NTNG1: variants seen among roughly 807,000 people sequenced by gnomAD.
NTNG1 encodes the protein netrin-G1.
A neutral mutation model predicts 54.0 loss-of-function variants in NTNG1; 16 were observed. The observed-to-expected ratio is 0.30, with a 90% confidence interval of 0.20 to 0.45. The LOEUF is 0.45. NTNG1 is among the 20% of genes least tolerant of loss of function. The probability of loss-of-function intolerance (pLI) is 1.00; values close to 1 mark genes in which losing one functional copy is unlikely to be tolerated. For missense variants in NTNG1, 530 were observed against 678.7 expected (o/e 0.78, Z 2.43); for synonymous variants, 255 against 263.1 (o/e 0.97, Z 0.30).
At chr1:107,263,570 ACT>A in intron 2 of NTNG1, among the ~76,000 whole-genome samples, 1 of 152,240 alleles carries the variant, frequency 6.6e-6, no homozygotes, top group Non-Finnish European at 1.5e-5. Context: ...GCTAATGAAT[ACT>A]CTGAGTTATC....
intron 3 of NTNG1, among the ~76,000 whole-genome samples, chr1:107,326,958 C>T (rs1417612308): frequency 1.3e-5 from 2 of 152,128 alleles, no homozygotes; most frequent in African/African-American, 4.8e-5. Flanking sequence ...ATGTAGATTC[C>T]TTCATATCTA....
chr1:107,140,861 G>A (rs1172839548), upstream of NTNG1: 1 of 152,800 alleles, frequency 6.5e-6, no homozygotes, highest in Non-Finnish European at 1.5e-5. Context: ...GCGGAGCGAG[G>A]AGGCGCGGAG....
intron 4 of NTNG1, among the ~76,000 whole-genome samples, chr1:107,406,599 C>T (rs1033253604): frequency 7.2e-5 from 11 of 152,086 alleles, no homozygotes; most frequent in African/African-American, 2.7e-4. Context: ...GCATGCTCTC[C>T]TACCCAAATT....
At chr1:107,164,391 C>T (rs886735260) in intron 2 of NTNG1, among the ~76,000 whole-genome samples, 15 of 152,166 alleles carry the variant, frequency 9.9e-5, no homozygotes, top group African/African-American at 3.4e-4. Flanking sequence ...GTAATCCATA[C>T]AGAAACTTTA....
chr1:107,412,763 AC>A (rs1673914710), intron 5 of NTNG1, among the ~76,000 whole-genome samples: 1 of 152,140 alleles, frequency 6.6e-6, no homozygotes, highest in African/African-American at 2.4e-5. Context: ...TTCCTCTACC[AC>A]CAAACATCTT....
intron 2 of NTNG1, among the ~76,000 whole-genome samples, chr1:107,208,567 C>G (rs1251240152): frequency 2.6e-5 from 4 of 152,128 alleles, no homozygotes; most frequent in Non-Finnish European, 4.4e-5. Flanking sequence ...CACTGAGTTT[C>G]TAATGAAGGA....
intron 3 of NTNG1, among the ~76,000 whole-genome samples, chr1:107,376,363 G>C (rs1201103425): frequency 2.6e-5 from 4 of 151,048 alleles, no homozygotes; most frequent in Non-Finnish European, 4.4e-5. Flanking sequence ...AGCCGAGGTC[G>C]CGCCACTGCA....
intron 2 of NTNG1, among the ~76,000 whole-genome samples, chr1:107,282,732 G>A (rs1369047183): frequency 2.0e-5 from 3 of 152,142 alleles, no homozygotes; most frequent in African/African-American, 7.2e-5. Context: ...GTCTCATTCA[G>A]ACCAAATTCC....
chr1:107,442,037 A>C (rs1675998608), intron 7 of NTNG1, among the ~76,000 whole-genome samples: 1 of 152,170 alleles, frequency 6.6e-6, no homozygotes, highest in Admixed American at 6.6e-5. Flanking sequence ...CATTGTTCAG[A>C]GGAAAATTGG....
chr1:107,243,976 T>A (rs1374188656), intron 2 of NTNG1, among the ~76,000 whole-genome samples: 1 of 152,180 alleles, frequency 6.6e-6, no homozygotes, highest in Non-Finnish European at 1.5e-5. Flanking sequence ...TATTTTGACA[T>A]GAAAAATGAA....
intron 2 of NTNG1, among the ~76,000 whole-genome samples, chr1:107,192,155 G>A (rs1016670567): frequency 3.3e-5 from 5 of 152,084 alleles, no homozygotes; most frequent in Non-Finnish European, 7.4e-5. Flanking sequence ...TCCCTTGTAA[G>A]TTGGATTCCT....
chr1:107,460,554 G>A (rs1020503634), intron 7 of NTNG1: 2 of 407,720 alleles, frequency 4.9e-6, no homozygotes, highest in South Asian at 1.9e-5. Flanking sequence ...CAGCAACTTG[G>A]CTGCACTGCT....
chr1:107,437,021 T>G (rs1043978104), intron 7 of NTNG1, among the ~76,000 whole-genome samples: 1 of 152,180 alleles, frequency 6.6e-6, no homozygotes, highest in Non-Finnish European at 1.5e-5. Context: ...CTGGAGCAAC[T>G]TATATTGAAA....
At chr1:107,466,989 TTCC>T (rs1677647525) in intron 7 of NTNG1, among the ~76,000 whole-genome samples, 1 of 152,230 alleles carries the variant, frequency 6.6e-6, no homozygotes, top group Non-Finnish European at 1.5e-5. Context: ...GAAGAAAGGA[TTCC>T]TCTGGATATT....
At chr1:107,179,151 C>G (rs1656877715) in intron 2 of NTNG1, among the ~76,000 whole-genome samples, 1 of 152,092 alleles carries the variant, frequency 6.6e-6, no homozygotes, top group South Asian at 2.1e-4. Flanking sequence ...AACAATAAGA[C>G]AATGTACCAC....
Position 107,481,791 on chromosome 1 carries a change from T to C in NTNG1, c.*951T>C, listed in dbSNP as rs556262885. ...GTAATAAGATTCCACCAAAGGACAT[T>C]CTAAATGTTTTCTTGTTGCTTTAAC... On this transcript the variant is annotated 3_prime_UTR_variant, in exon 8 of 8. Coordinates refer to ENST00000370068, the MANE Select transcript of NTNG1 (RefSeq NM_001113226.3). 14 of 152,714 alleles carry C rather than the reference T, an allele frequency of 9.2e-5. No homozygotes were observed. The highest frequency in any genetic ancestry group is 3.4e-4 in the African/African-American group (14 of 41,570). 9.5% of individuals were successfully genotyped at this position (152,714 alleles called of 1,614,324 possible).
intron 2 of NTNG1, among the ~76,000 whole-genome samples, chr1:107,209,153 G>A (rs1557811368): frequency 6.6e-6 from 1 of 151,510 alleles, no homozygotes; most frequent in Non-Finnish European, 1.5e-5. Flanking sequence ...ATACCCCATA[G>A]CATTTGAGTC....
chr1:107,454,956 T>G (rs1399223403), intron 7 of NTNG1, among the ~76,000 whole-genome samples: 1 of 152,154 alleles, frequency 6.6e-6, no homozygotes, highest in Admixed American at 6.5e-5. Flanking sequence ...ATCGTTCAGG[T>G]GCTACGTGTG....
At chr1:107,309,577 G>A (rs1173168981) in intron 2 of NTNG1, among the ~76,000 whole-genome samples, 2 of 152,132 alleles carry the variant, frequency 1.3e-5, no homozygotes, top group Non-Finnish European at 2.9e-5. Context: ...ATGTGTCCAG[G>A]ATTCTTTGTA....
Sources: gnomAD v4.1 joint callset for allele counts (sites outside exome capture counted in the v4.1 genomes callset) on GRCh38, gnomAD v4.1.1 for gene constraint, MANE v1.5 for transcripts, NCBI Gene and HGNC (gene_info 2026-07-23, HGNC 2026-07-21) for gene names.